The following PCNT variants were observed in gnomAD, a reference collection of about 807,000 sequenced individuals.
PCNT encodes the protein pericentrin.
PCNT carries 319 observed loss-of-function variants against 380.4 expected under a neutral mutation model. The ratio of observed to expected loss-of-function variants is 0.84; its 90% CI spans 0.77 to 0.92. The LOEUF is 0.92. PCNT is among the 40% of genes least tolerant of loss of function. The pLI is 0.00. For missense variants in PCNT, 4,400 were observed against 4,255.3 expected, an observed-to-expected ratio of 1.03 and a Z score of -0.95; for synonymous variants, 1,845 against 1,735.2, an observed-to-expected ratio of 1.06 and a Z score of -1.57.
chr21:46,432,189 A>T lies in PCNT; in HGVS notation c.8725A>T (p.Lys2909Ter), dbSNP rs1460617795. 6.2e-7 allele frequency: 1 copy of T among 1,612,124 alleles called. No homozygotes were observed. Among genetic ancestry groups the T allele is most frequent in the Admixed American group, 1.7e-5 (1 of 59,930 alleles). Residue 2909 changes from lysine (K) to a stop codon, truncating the protein, a stop_gained, in exon 38 of 47, where the codon AAG becomes TAG. Transcript: ENST00000359568. LOFTEE classifies it high-confidence loss of function. Reference protein sequence around the residue: ...QSPAAAEQWRKWQRDKEKLRE... With the variant: ...QSPAAAEQWR ...CCCAGCGGCTGCGGAGCAGTGGAGG[A>T]AGTGGCAGAGAGACAAGGAGAAGCT...
intron 38 of PCNT, among the ~76,000 whole-genome samples, chr21:46,434,654 G>A (rs773077436): frequency 1.4e-4 from 22 of 152,294 alleles, no homozygotes; most frequent in Admixed American, 5.2e-4. Flanking sequence ...CGCTTCTCCC[G>A]GGCACCAGAC....
intron 2 of PCNT, among the ~76,000 whole-genome samples, chr21:46,333,267 A>T (rs890717234): frequency 1.3e-5 from 2 of 152,024 alleles, no homozygotes; most frequent in African/African-American, 4.8e-5. Context: ...CCCCGATTCT[A>T]CTAAAAATAC....
chr21:46,401,523 T>C, intron 25 of PCNT, 28 bp from the exon 26 acceptor site: 1 of 1,595,876 alleles, frequency 6.3e-7, no homozygotes. Flanking sequence ...AATATTTGCC[T>C]AAAATAGAGT....
chr21:46,400,587 C>T lies in PCNT; in HGVS notation c.4791+791C>T, dbSNP rs9980916. On this transcript the variant is annotated intron_variant, in intron 25 of 46. Transcript: ENST00000359568. ...AGGCTGGAGTGCAGTGGCGCAATCTCGGCTCACAGCAACCTCCTCCTCCCG... is the reference window on the plus strand; with the variant it reads ...AGGCTGGAGTGCAGTGGCGCAATCTTGGCTCACAGCAACCTCCTCCTCCCG... Among the ~76,000 whole-genome samples the T allele has an allele frequency of 1.4e-3, 166 of 119,182 alleles. 2 individuals are homozygous for T. The highest frequency in any genetic ancestry group is 4.4e-3 in the African/African-American group (153 of 35,010). 78.2% of individuals were successfully genotyped at this position (119,182 alleles called of 152,430 possible). A position where few individuals can be genotyped will look rare whatever the true frequency, so the allele number is the denominator to read the frequency against.
intron 34 of PCNT, among the ~76,000 whole-genome samples, chr21:46,428,040 T>C (rs576333251): frequency 6.6e-6 from 1 of 152,306 alleles, no homozygotes; most frequent in East Asian, 1.9e-4. Context: ...TTTTCTGAGA[T>C]AGGTGGCTAA....
intron 44 of PCNT, 184 bp downstream of exon 44, chr21:46,442,757 C>A: frequency 3.1e-6 from 2 of 644,632 alleles, no homozygotes; most frequent in South Asian, 3.5e-5. Flanking sequence ...GAGGTCAGAG[C>A]TCATGTTAGC....
At chr21:46,439,507 C>T (rs1158435203) in intron 41 of PCNT, among the ~76,000 whole-genome samples, 1 of 152,246 alleles carries the variant, frequency 6.6e-6, no homozygotes, top group African/African-American at 2.4e-5. Flanking sequence ...CTCCCGTACA[C>T]TCTTAAGTCA....
chr21:46,402,739 T>G (rs1261890937), intron 27 of PCNT, among the ~76,000 whole-genome samples: 1 of 152,182 alleles, frequency 6.6e-6, no homozygotes, highest in African/African-American at 2.4e-5. Flanking sequence ...GATAGGGATC[T>G]GAGGAGAGGC....
Position 46,365,545 on chromosome 21 carries a change from C to T in PCNT, c.2610-1039C>T, listed in dbSNP as rs537490804. 5.8e-5 allele frequency among the ~76,000 whole-genome samples: 8 copies of T among 139,108 alleles called. 1 individual carries two copies. In the East Asian group the frequency reaches 1.8e-3, roughly 32 times the overall value. 91.3% of individuals were successfully genotyped at this position (139,108 alleles called of 152,430 possible). A position where few individuals can be genotyped will look rare whatever the true frequency, so the allele number is the denominator to read the frequency against. ...GGGTTCTATTCACTGCCGTGGGGTTCTGATCACTGCCGTGGGGTTCTGTTC... is the reference window on the plus strand; with the variant it reads ...GGGTTCTATTCACTGCCGTGGGGTTTTGATCACTGCCGTGGGGTTCTGTTC... On this transcript the variant is annotated intron_variant, in intron 14 of 46. Coordinates refer to ENST00000359568, the MANE Select transcript of PCNT (RefSeq NM_006031.6).
chr21:46,365,446 TGTTC>T, intron 14 of PCNT, among the ~76,000 whole-genome samples: 3 of 146,438 alleles, frequency 2.0e-5, no homozygotes, highest in Admixed American at 6.8e-5. Flanking sequence ...CGTGGGGTTC[TGTTC>T]ACTGCCGTGG....
chr21:46,361,715 A>G (rs1475503189), intron 13 of PCNT, among the ~76,000 whole-genome samples: 2 of 152,168 alleles, frequency 1.3e-5, no homozygotes, highest in South Asian at 2.1e-4. Flanking sequence ...AGCGTGAAGG[A>G]TCTCCTTCAG....
intron 21 of PCNT, among the ~76,000 whole-genome samples, chr21:46,393,292 C>T (rs959387324): frequency 6.6e-6 from 1 of 152,200 alleles, no homozygotes; most frequent in Admixed American, 6.5e-5. Context: ...TTGACGCCCT[C>T]GTTTTCCTGC....
intron 2 of PCNT, among the ~76,000 whole-genome samples, chr21:46,332,236 G>T (rs746576720): frequency 1.1e-4 from 17 of 152,192 alleles, no homozygotes; most frequent in Non-Finnish European, 2.4e-4. Context: ...TTTGGCTGAA[G>T]AAGATTTAAC....
rs775203893 is a variant in PCNT, at chr21:46,388,772, G to A, written c.3495G>A (p.Leu1165=). 6.2e-7 allele frequency: 1 copy of A among 1,613,846 alleles called. No individual in the cohort carries two copies. The highest frequency in any genetic ancestry group is 8.5e-7 in the Non-Finnish European group (1 of 1,179,978). ...CCCTCCAGGACGCCCTGCGCAGGCT[G>A]CTGGGTTTGTTTGGAGAGACGCTGA... ...RGALQDALRR[L]LGLFGETLRA... The change falls in exon 18 of 47, where the codon CTG becomes CTA. Residue 1165 remains leucine, a synonymous_variant. Coordinates refer to ENST00000359568, the MANE Select transcript of PCNT (RefSeq NM_006031.6). The surrounding 1 kb of genome is among the most constrained non-coding windows in gnomAD (Gnocchi z 4.2).
intron 31 of PCNT, among the ~76,000 whole-genome samples, chr21:46,421,670 G>C (rs1370462634): frequency 6.6e-6 from 1 of 152,228 alleles, no homozygotes; most frequent in African/African-American, 2.4e-5. Flanking sequence ...TGGAGTCTTT[G>C]GGGGCCACGT....
Position 46,355,423 on chromosome 21 carries a change from C to T in PCNT, c.1762-29C>T, listed in dbSNP as rs199930697. On this transcript the variant is annotated intron_variant, in intron 11 of 46. Coordinates refer to ENST00000359568, the MANE Select transcript of PCNT (RefSeq NM_006031.6). The stretch of plus-strand genomic sequence containing the variant: ...CGAGCGAGGTAGCTTGGCTCACTAA[C>T]GTGCTTGTCCCACGTGGTTTCTCTG... The T allele has an allele frequency of 3.3e-5, 53 of 1,611,482 alleles. 1 individual carries two copies. In the East Asian group the frequency reaches 4.0e-4, roughly 12 times the overall value.
At chr21:46,364,200 T>G (rs2084818356) in intron 14 of PCNT, among the ~76,000 whole-genome samples, 1 of 144,404 alleles carries the variant, frequency 6.9e-6, no homozygotes, top group African/African-American at 2.6e-5. Flanking sequence ...AGGCTAGCAG[T>G]CGCCGTCCCG....
At chr21:46,426,082 T>TTTTC in intron 33 of PCNT, 111 bp downstream of exon 33, 3 of 1,166,010 alleles carry the variant, frequency 2.6e-6, no homozygotes, top group East Asian at 5.1e-5. Context: ...TTTTTTTTTT[T>TTTTC]TTTTTTTTTT....
chr21:46,411,043 C>A, intron 27 of PCNT, 146 bp from the exon 28 acceptor site: 1 of 833,104 alleles, frequency 1.2e-6, no homozygotes, highest in East Asian at 2.6e-5. Context: ...GCATCCGGCA[C>A]CAGCAGTTTG....
Sources: allele counts gnomAD v4.1 joint callset (sites outside exome capture counted in the v4.1 genomes callset), GRCh38; gene constraint gnomAD v4.1.1; non-coding constraint Gnocchi (gnomAD v3.1); transcripts MANE v1.5; gene names NCBI Gene and HGNC (gene_info 2026-07-23, HGNC 2026-07-21).